Variants in LINGO2 observed in about 807,000 individuals in gnomAD.
LINGO2 encodes leucine rich repeat and Ig domain containing 2.
In LINGO2, 14 loss-of-function variants were observed where a neutral mutation model predicts 30.6. The observed-to-expected ratio is 0.46, with a 90% CI of 0.30 to 0.72. The LOEUF is 0.72. LINGO2 is among the 30% of genes least tolerant of loss of function. The pLI is 0.07. For synonymous variants in LINGO2, 317 were observed against 288.5 expected, an observed-to-expected ratio of 1.10 and a Z score of -1.00; for missense variants, 729 against 751.7, an observed-to-expected ratio of 0.97 and a Z score of 0.35.
intron 4 of LINGO2, among the ~76,000 whole-genome samples, chr9:28,214,542 C>T (rs901181533): frequency 2.6e-5 from 4 of 151,466 alleles, no homozygotes; most frequent in African/African-American, 9.7e-5. Context: ...AATGACAATA[C>T]AAAGATGGTA....
chr9:28,527,735 G>T (rs1821087804), intron 1 of LINGO2, among the ~76,000 whole-genome samples: 1 of 152,106 alleles, frequency 6.6e-6, no homozygotes, highest in African/African-American at 2.4e-5. Context: ...GTATTTATCT[G>T]CTTATTTGTC....
At chr9:28,346,923 T>G (rs745743013) in intron 3 of LINGO2, among the ~76,000 whole-genome samples, 1 of 152,076 alleles carries the variant, frequency 6.6e-6, no homozygotes, top group African/African-American at 2.4e-5. Context: ...AGATATAGGT[T>G]AGTAGACTTT....
chr9:28,485,735 T>C (rs2135243202), intron 1 of LINGO2, among the ~76,000 whole-genome samples: 1 of 152,192 alleles, frequency 6.6e-6, no homozygotes, highest in African/African-American at 2.4e-5. Context: ...TGTACACATA[T>C]TTCCACCCTG....
chr9:28,999,715 T>C, the LINGO2 span, among the ~76,000 whole-genome samples: 1 of 151,980 alleles, frequency 6.6e-6, no homozygotes, highest in Non-Finnish European at 1.5e-5. Context: ...TGTCCATGGT[T>C]AGGAAAAAAT....
At chr9:28,255,986 T>C (rs1470663846) in intron 4 of LINGO2, among the ~76,000 whole-genome samples, 1 of 152,042 alleles carries the variant, frequency 6.6e-6, no homozygotes, top group African/African-American at 2.4e-5. Flanking sequence ...TCTGCAGAAA[T>C]TGTTTGCAAA....
chr9:28,307,322 CA>C (rs1819745031), intron 3 of LINGO2, among the ~76,000 whole-genome samples: 1 of 152,086 alleles, frequency 6.6e-6, no homozygotes, highest in Non-Finnish European at 1.5e-5. Flanking sequence ...GAACCAAAGA[CA>C]AAAACCACAT....
chr9:28,897,416 T>C, the LINGO2 span, among the ~76,000 whole-genome samples: 1 of 152,108 alleles, frequency 6.6e-6, no homozygotes. Context: ...TACCATATGA[T>C]GTATTTTGGT....
At chr9:28,757,902 T>C in the LINGO2 span, among the ~76,000 whole-genome samples, 77,237 of 151,788 alleles carry the variant, frequency 0.51, 19,948 homozygotes, top group East Asian at 0.69. Flanking sequence ...TGGCATCTAG[T>C]GTACTTTTTG....
chr9:28,138,591 G>A (rs1318093239), intron 4 of LINGO2, among the ~76,000 whole-genome samples: 2 of 152,074 alleles, frequency 1.3e-5, no homozygotes, highest in Admixed American at 6.5e-5. Context: ...GCCTTGCTTT[G>A]AAAAGTAGGC....
the LINGO2 span, among the ~76,000 whole-genome samples, chr9:28,867,692 G>A: frequency 0.15 from 22,264 of 152,026 alleles, 1,818 homozygotes; most frequent in East Asian, 0.33. Flanking sequence ...CCTTCAACAC[G>A]TGGCAGTTGA....
chr9:28,222,767 G>A (rs573971551), intron 4 of LINGO2, among the ~76,000 whole-genome samples: 3 of 152,092 alleles, frequency 2.0e-5, no homozygotes, highest in African/African-American at 7.2e-5. Context: ...AGAAATGAAG[G>A]TAAGTCAAAT....
the LINGO2 span, chr9:27,940,630 G>A: frequency 9.9e-5 from 15 of 152,058 alleles, no homozygotes; most frequent in Non-Finnish European, 1.8e-4. Context: ...TTTTTATTTC[G>A]ACTGTATCAA....
the LINGO2 span, among the ~76,000 whole-genome samples, chr9:29,136,734 A>G: frequency 6.6e-6 from 1 of 152,084 alleles, no homozygotes; most frequent in African/African-American, 2.4e-5. Context: ...AGTCTTACAT[A>G]CTAATGCATA....
chr9:28,419,215 G>C (rs1044540571), intron 2 of LINGO2, among the ~76,000 whole-genome samples: 2 of 151,852 alleles, frequency 1.3e-5, no homozygotes, highest in African/African-American at 4.8e-5. Context: ...CATTTTTTCC[G>C]ATCAGCAAAT....
the LINGO2 span, among the ~76,000 whole-genome samples, chr9:28,687,130 C>T: frequency 6.6e-6 from 1 of 152,020 alleles, no homozygotes; most frequent in African/African-American, 2.4e-5. Flanking sequence ...GTGTGGAAGT[C>T]AGTAAATTAC....
the LINGO2 span, among the ~76,000 whole-genome samples, chr9:29,057,880 G>T: frequency 6.6e-6 from 1 of 152,084 alleles, no homozygotes; most frequent in East Asian, 1.9e-4. Flanking sequence ...AGAAAACCTA[G>T]AAAGGCCACG....
intron 1 of LINGO2, among the ~76,000 whole-genome samples, chr9:28,557,024 G>C (rs1190860385): frequency 6.6e-6 from 1 of 151,278 alleles, no homozygotes; most frequent in Non-Finnish European, 1.5e-5. Flanking sequence ...TTAAACGTTA[G>C]ACCTAAAACC....
the LINGO2 span, among the ~76,000 whole-genome samples, chr9:28,744,493 G>C: frequency 7.2e-5 from 11 of 151,872 alleles, no homozygotes; most frequent in Non-Finnish European, 1.3e-4. Context: ...TGAAGTTCTT[G>C]CTGTTGTTTG....
At chr9:28,325,228 A>G (rs1218303307) in intron 3 of LINGO2, among the ~76,000 whole-genome samples, 1 of 152,126 alleles carries the variant, frequency 6.6e-6, no homozygotes, top group African/African-American at 2.4e-5. Context: ...AAAACTTGCA[A>G]TTATAAATAA....
Sources: allele counts gnomAD v4.1 joint callset (sites outside exome capture counted in the v4.1 genomes callset), GRCh38; gene constraint gnomAD v4.1.1; transcripts MANE v1.5; gene names NCBI Gene and HGNC (gene_info 2026-07-23, HGNC 2026-07-21).